The following FOXO3 variants were observed in gnomAD, a reference collection of about 807,000 sequenced individuals.
FOXO3 encodes forkhead box O3.
FOXO3 carries 4 observed loss-of-function variants against 41.9 expected under a neutral mutation model. The ratio of observed to expected loss-of-function variants is 0.10; its 90% confidence interval spans 0.05 to 0.22. The LOEUF (loss-of-function observed/expected upper bound fraction) is 0.22. Ranked by LOEUF, FOXO3 falls within the 10% of genes least tolerant of loss-of-function variation. The probability of loss-of-function intolerance (pLI) is 1.00; values close to 1 mark genes in which losing one functional copy is unlikely to be tolerated. For missense variants in FOXO3, 534 were observed against 906.8 expected, an observed-to-expected ratio of 0.59 and a Z score of 5.28; for synonymous variants, 318 against 389.3, an observed-to-expected ratio of 0.82 and a Z score of 2.16.
chr6:108,620,375 G>A (rs961576950), intron 1 of FOXO3, among the ~76,000 whole-genome samples: 2 of 152,060 alleles, frequency 1.3e-5, no homozygotes, highest in African/African-American at 4.8e-5. Flanking sequence ...ATTTTTTTTA[G>A]TAGGAAAATA....
intron 2 of FOXO3, among the ~76,000 whole-genome samples, chr6:108,672,896 G>C (rs923196175): frequency 6.6e-6 from 1 of 151,858 alleles, no homozygotes; most frequent in Non-Finnish European, 1.5e-5. Flanking sequence ...TGGAGTGTTT[G>C]ACTTGATTCT....
At chr6:108,678,917 G>A (rs1346034402) in intron 2 of FOXO3, among the ~76,000 whole-genome samples, 1 of 131,328 alleles carries the variant, frequency 7.6e-6, no homozygotes, top group Admixed American at 9.5e-5. Flanking sequence ...TGTCGCTCAG[G>A]CTGGAGTGCA....
chr6:108,623,129 A>G (rs2128373416), intron 1 of FOXO3, among the ~76,000 whole-genome samples: 1 of 152,078 alleles, frequency 6.6e-6, no homozygotes, highest in South Asian at 2.1e-4. Flanking sequence ...GCCAGAACCT[A>G]GTGATGGTTT....
At position 108,565,890 on chromosome 6, in the gene FOXO3, T is replaced by A. The variant is rs866237875; in HGVS notation, c.621+4061T>A. Among the ~76,000 whole-genome samples the A allele has an allele frequency of 2.0e-5, 3 of 152,240 alleles. No homozygotes were observed. In the South Asian group the frequency reaches 6.2e-4, roughly 31 times the overall value. On this transcript the variant is annotated intron_variant, in intron 1 of 2. Transcript: ENST00000406360. ...AATTTTTTTTTAATTTGAAAATGAC[T>A]AAGTCATAATCATTCCACATTGGCT...
chr6:108,622,097 CAA>C (rs1777683494), intron 1 of FOXO3, among the ~76,000 whole-genome samples: 1 of 151,554 alleles, frequency 6.6e-6, no homozygotes, highest in South Asian at 2.1e-4. Context: ...TCTCTACTAA[CAA>C]TACAAAAAAA....
At chr6:108,657,462 ACCTTACTATCTTAG>A (rs1778720385) in intron 1 of FOXO3, among the ~76,000 whole-genome samples, 1 of 152,160 alleles carries the variant, frequency 6.6e-6, no homozygotes, top group Non-Finnish European at 1.5e-5. Context: ...GTTATTACGT[ACCTTACTATCTTAG>A]CCTTAAGGAA....
chr6:108,609,965 A>C (rs1777314524), intron 1 of FOXO3, among the ~76,000 whole-genome samples: 1 of 152,184 alleles, frequency 6.6e-6, no homozygotes, highest in Admixed American at 6.5e-5. Flanking sequence ...ATTTTTGAAA[A>C]GAAAACAGTT....
In FOXO3 at chr6:108,561,615, C is replaced by A. The variant is rs759858836; in HGVS notation, c.407C>A (p.Pro136Gln). 6.5e-7 allele frequency: 1 copy of A among 1,540,850 alleles called. No individual in the cohort carries two copies. The highest frequency in any genetic ancestry group is 1.2e-5 in the South Asian group (1 of 84,064). The change falls in exon 1 of 3, where the codon CCG (proline) becomes CAG (glutamine). Residue 136 changes from proline to glutamine, a missense_variant. Pro to Gln is a moderately conservative substitution (Grantham distance 76). Around this residue, in one of 8 missense-constraint regions of FOXO3, gnomAD observed 139 missense variants for 163.7 expected, o/e 0.85. Coordinates refer to ENST00000406360, the MANE Select transcript of FOXO3 (RefSeq NM_001455.4). Reference sequence around the variant, plus strand: ...CAGCCTCAGCAACCGCTGCCACCGCCGCAGCCGGGGGCGGCTGGGGGCTCC... The same window carrying A: ...CAGCCTCAGCAACCGCTGCCACCGCAGCAGCCGGGGGCGGCTGGGGGCTCC... The part of the protein sequence containing the change: ...LLQPQQPLPP[P>Q]QPGAAGGSGQ...
At chr6:108,631,052 G>T (rs183638447) in intron 1 of FOXO3, among the ~76,000 whole-genome samples, 1 of 152,118 alleles carries the variant, frequency 6.6e-6, no homozygotes, top group African/African-American at 2.4e-5. Context: ...TTTCTAAAAT[G>T]TATTAAATTA....
chr6:108,654,521 G>A (rs1325586546), intron 1 of FOXO3, among the ~76,000 whole-genome samples: 1 of 152,046 alleles, frequency 6.6e-6, no homozygotes, highest in African/African-American at 2.4e-5. Context: ...ATAGAAAATT[G>A]ATTCATTATT....
intron 1 of FOXO3, among the ~76,000 whole-genome samples, chr6:108,610,857 C>T (rs1268585399): frequency 6.6e-6 from 1 of 152,060 alleles, no homozygotes; most frequent in Non-Finnish European, 1.5e-5. Flanking sequence ...GGAAAACAAT[C>T]GTAGTTATTG....
intron 1 of FOXO3, among the ~76,000 whole-genome samples, chr6:108,603,287 C>T (rs186386775): frequency 8.7e-4 from 132 of 152,216 alleles, no homozygotes; most frequent in African/African-American, 3.0e-3. Context: ...CCCATTCTTA[C>T]AAATAAATGA....
At chr6:108,651,744 T>C (rs760270033) in intron 1 of FOXO3, among the ~76,000 whole-genome samples, 7 of 152,248 alleles carry the variant, frequency 4.6e-5, no homozygotes, top group African/African-American at 7.2e-5. Context: ...CAGTGATTTG[T>C]TTCTGCAGGT....
chr6:108,677,061 C>CTG (rs1770628202), intron 2 of FOXO3, among the ~76,000 whole-genome samples: 1 of 152,228 alleles, frequency 6.6e-6, no homozygotes, highest in Non-Finnish European at 1.5e-5. Context: ...AGAGTTGCCT[C>CTG]TATACCTGGG....
intron 1 of FOXO3, among the ~76,000 whole-genome samples, chr6:108,605,142 G>A (rs1028389274): frequency 5.9e-5 from 9 of 151,608 alleles, no homozygotes; most frequent in South Asian, 4.2e-4. Flanking sequence ...TCCCTGAGAC[G>A]GAGTCTCATT....
chr6:108,670,487 T>G (rs1196816192), intron 2 of FOXO3, among the ~76,000 whole-genome samples: 1 of 151,066 alleles, frequency 6.6e-6, no homozygotes, highest in Non-Finnish European at 1.5e-5. Context: ...GATAGTGAAA[T>G]GGAAAATGGA....
chr6:108,585,943 G>A (rs1338949018), intron 1 of FOXO3, among the ~76,000 whole-genome samples: 1 of 152,138 alleles, frequency 6.6e-6, no homozygotes, highest in African/African-American at 2.4e-5. Context: ...GAGAGATGAG[G>A]GACACATGCC....
intron 1 of FOXO3, among the ~76,000 whole-genome samples, chr6:108,625,463 A>T (rs1777786908): frequency 6.6e-6 from 1 of 152,256 alleles, no homozygotes; most frequent in South Asian, 2.1e-4. Context: ...TTAAAGGTGC[A>T]TTCACATATC....
chr6:108,596,487 G>C (rs1776889581), intron 1 of FOXO3, among the ~76,000 whole-genome samples: 1 of 151,072 alleles, frequency 6.6e-6, no homozygotes, highest in African/African-American at 2.4e-5. Context: ...ATGGGTTGTT[G>C]AATGAACATC....
Sources: allele counts gnomAD v4.1 joint callset (sites outside exome capture counted in the v4.1 genomes callset), GRCh38; gene constraint gnomAD v4.1.1; regional missense constraint gnomAD v4.1.1; transcripts MANE v1.5; gene names NCBI Gene and HGNC (gene_info 2026-07-23, HGNC 2026-07-21).